Variants in ATF1 observed in about 807,000 individuals in gnomAD.
ATF1 encodes the protein cyclic AMP-dependent transcription factor ATF-1.
In ATF1, 16 loss-of-function variants were observed where a neutral mutation model predicts 34.7. The ratio of observed to expected loss-of-function variants is 0.46; its 90% CI spans 0.31 to 0.70. The LOEUF is 0.70. Ranked by LOEUF, ATF1 falls within the 30% of genes least tolerant of loss-of-function variation. The probability of loss-of-function intolerance (pLI) is 0.05; values close to 1 mark genes in which losing one functional copy is unlikely to be tolerated. For synonymous variants in ATF1, 105 were observed against 113.1 expected (o/e 0.93, Z 0.46); for missense variants, 255 against 321.6 (o/e 0.79, Z 1.58).
intron 2 of ATF1, among the ~76,000 whole-genome samples, chr12:50,792,904 T>C (rs1363061507): frequency 6.6e-5 from 10 of 152,158 alleles, no homozygotes; most frequent in Admixed American, 6.6e-4. Flanking sequence ...AGTTCTTATT[T>C]GTATTTATCT....
chr12:50,803,318 A>T (rs1941551699), intron 3 of ATF1, among the ~76,000 whole-genome samples: 1 of 152,096 alleles, frequency 6.6e-6, no homozygotes, highest in South Asian at 2.1e-4. Flanking sequence ...AAAGAAGATA[A>T]ACAAATGACT....
Position 50,809,561 on chromosome 12 carries a change from C to G in ATF1, c.300C>G (p.Pro100=). The change falls in exon 4 of 7, where the codon CCC becomes CCG. Residue 100 remains proline, a synonymous_variant. Coordinates refer to ENST00000262053, the MANE Select transcript of ATF1 (RefSeq NM_005171.5). ...AAVTSMSVPT[P]IYQTSSGQYI... The stretch of plus-strand genomic sequence containing the variant: ...TCACTTCTATGTCTGTTCCAACTCC[C>G]ATCTATCAGACTAGCAGCGGACAGT... 1 of 1,613,732 alleles carries G rather than the reference C, an allele frequency of 6.2e-7. No homozygotes were observed. The highest frequency in any genetic ancestry group is 1.1e-5 in the South Asian group (1 of 91,078).
intron 6 of ATF1, among the ~76,000 whole-genome samples, chr12:50,817,923 A>G (rs913310937): frequency 3.3e-5 from 5 of 152,188 alleles, no homozygotes; most frequent in South Asian, 4.1e-4. Context: ...TAAAATGTTC[A>G]TAACAGGCAC....
chr12:50,776,881 T>G (rs900160453), intron 1 of ATF1, among the ~76,000 whole-genome samples: 1 of 152,198 alleles, frequency 6.6e-6, no homozygotes, highest in South Asian at 2.1e-4. Context: ...TATTTATTTT[T>G]GAGATGGAGT....
intron 3 of ATF1, among the ~76,000 whole-genome samples, chr12:50,807,663 G>T (rs1163553748): frequency 2.0e-5 from 3 of 151,614 alleles, no homozygotes; most frequent in East Asian, 1.9e-4. Flanking sequence ...ATTATTTTTT[G>T]TTGTTGTTTT....
At position 50,771,819 on chromosome 12, in the gene ATF1, G is replaced by A. The variant is rs558278688; in HGVS notation, c.-7+7512G>A. 6.6e-5 allele frequency among the ~76,000 whole-genome samples: 10 copies of A among 152,242 alleles called. No individual in the cohort carries two copies. The East Asian group carries it at 1.9e-3, about 29-fold the overall frequency. On this transcript the variant is annotated intron_variant, in intron 1 of 6. Transcript: ENST00000262053. ...AACCCACCAAAACCAAAATGGCCAC[G>A]AGAGTGACCTCTGGTCGTCGTCACT...
chr12:50,814,998 T>G (rs915451539), intron 6 of ATF1, among the ~76,000 whole-genome samples: 7 of 151,978 alleles, frequency 4.6e-5, no homozygotes, highest in East Asian at 1.9e-4. Context: ...GGCGGGCGCC[T>G]GTAGTCCCAG....
At chr12:50,776,083 A>C (rs577765112) in intron 1 of ATF1, among the ~76,000 whole-genome samples, 5 of 152,066 alleles carry the variant, frequency 3.3e-5, no homozygotes, top group African/African-American at 1.2e-4. Flanking sequence ...GAGGCCGAGG[A>C]GGGCGGATCA....
intron 2 of ATF1, among the ~76,000 whole-genome samples, chr12:50,792,624 A>G (rs1284107256): frequency 6.6e-6 from 1 of 152,158 alleles, no homozygotes; most frequent in African/African-American, 2.4e-5. Flanking sequence ...AAACCAAGAT[A>G]AAGTTGTCTT....
intron 1 of ATF1, among the ~76,000 whole-genome samples, chr12:50,777,131 G>A (rs1940945194): frequency 1.3e-5 from 2 of 152,148 alleles, no homozygotes; most frequent in South Asian, 4.1e-4. Context: ...TGGGATTACA[G>A]GCATGAGCCA....
intron 2 of ATF1, among the ~76,000 whole-genome samples, chr12:50,782,574 T>C (rs1048864945): frequency 4.0e-5 from 6 of 148,468 alleles, no homozygotes; most frequent in African/African-American, 7.5e-5. Flanking sequence ...TTTTTTTTTT[T>C]AGTAGAGACA....
At chr12:50,783,761 G>A (rs1012795765) in intron 2 of ATF1, among the ~76,000 whole-genome samples, 8 of 151,816 alleles carry the variant, frequency 5.3e-5, no homozygotes, top group African/African-American at 1.9e-4. Context: ...CCAGCTACTC[G>A]GGAGGCTGGG....
At chr12:50,779,351 A>G (rs2139648570) in intron 1 of ATF1, among the ~76,000 whole-genome samples, 1 of 152,282 alleles carries the variant, frequency 6.6e-6, no homozygotes, top group East Asian at 1.9e-4. Context: ...TAGCTGTACC[A>G]CTTTACATTC....
At chr12:50,790,152 T>A (rs183551462) in intron 2 of ATF1, among the ~76,000 whole-genome samples, 2 of 151,830 alleles carry the variant, frequency 1.3e-5, no homozygotes, top group East Asian at 1.9e-4. Context: ...GTTTTCCAAG[T>A]GTAATGGTAA....
chr12:50,767,486 C>T (rs1048043038), intron 1 of ATF1, among the ~76,000 whole-genome samples: 3 of 152,222 alleles, frequency 2.0e-5, no homozygotes, highest in Non-Finnish European at 4.4e-5. Context: ...TGCCACTGCA[C>T]TCCAGCCTGG....
chr12:50,809,890 G>A (rs1032917606), intron 4 of ATF1, among the ~76,000 whole-genome samples: 15 of 152,192 alleles, frequency 9.9e-5, no homozygotes, highest in African/African-American at 3.4e-4. Context: ...CCGGAGTGCA[G>A]TGGCACAATC....
chr12:50,815,484 C>T (rs1941825066), intron 6 of ATF1, among the ~76,000 whole-genome samples: 2 of 151,992 alleles, frequency 1.3e-5, no homozygotes, highest in Admixed American at 1.3e-4. Flanking sequence ...CTCCAGGGCT[C>T]AAGTGATCCT....
At chr12:50,765,857 G>T (rs1410615084) in intron 1 of ATF1, among the ~76,000 whole-genome samples, 1 of 152,154 alleles carries the variant, frequency 6.6e-6, no homozygotes, top group Admixed American at 6.5e-5. Context: ...AAAAGGGGAG[G>T]CGTGATTAAT....
At chr12:50,785,405 T>C (rs1445618737) in intron 2 of ATF1, among the ~76,000 whole-genome samples, 3 of 151,888 alleles carry the variant, frequency 2.0e-5, no homozygotes, top group African/African-American at 7.3e-5. Context: ...CATTTCTTTT[T>C]GGGGGAATGT....
Sources: gnomAD v4.1 joint callset for allele counts (sites outside exome capture counted in the v4.1 genomes callset) on GRCh38, gnomAD v4.1.1 for gene constraint, MANE v1.5 for transcripts, NCBI Gene and HGNC (gene_info 2026-07-23, HGNC 2026-07-21) for gene names.